Variants in MAP4K4 observed in about 807,000 individuals in gnomAD.
MAP4K4 encodes mitogen-activated protein kinase kinase kinase kinase 4, also known as HPK/GCK-like kinase HGK.
Under a neutral mutation model 189.6 loss-of-function variants are expected in MAP4K4, and 38 were observed. The observed-to-expected ratio is 0.20, with a 90% CI of 0.15 to 0.26. The LOEUF (loss-of-function observed/expected upper bound fraction) is 0.26, where lower values mean the gene tolerates loss of function less well. Ranked by LOEUF, MAP4K4 falls within the 10% of genes least tolerant of loss-of-function variation. MAP4K4 has a pLI of 1.00. For missense variants in MAP4K4, 1,054 were observed against 1,726.9 expected (o/e 0.61, Z 6.91); for synonymous variants, 610 against 624.3 (o/e 0.98, Z 0.34).
At chr2:101,722,324 C>T (rs1267466658) in intron 2 of MAP4K4, among the ~76,000 whole-genome samples, 2 of 152,166 alleles carry the variant, frequency 1.3e-5, no homozygotes, top group Non-Finnish European at 2.9e-5. Context: ...TATCTGTCTA[C>T]TGGAATTGGC....
chr2:101,806,243 T>G (rs1405788056), intron 3 of MAP4K4, among the ~76,000 whole-genome samples: 1 of 152,132 alleles, frequency 6.6e-6, no homozygotes, highest in Non-Finnish European at 1.5e-5. Context: ...AGGGAATCTG[T>G]AGTTAGGTGG....
rs1229405267 is a variant in MAP4K4 at position 101,888,788 on chromosome 2, C to T, written c.3932-8C>T. The T allele has an allele frequency of 1.4e-5, 22 of 1,585,292 alleles. No homozygotes were observed. The highest frequency in any genetic ancestry group is 1.9e-5 in the Non-Finnish European group (22 of 1,167,922). ...TTTAACGGTTTGCAATTTTTCCCTC[C>T]CCAAAAGCATATATTCGATCCAATC... On this transcript the variant is annotated splice_region_variant and splice_polypyrimidine_tract_variant and intron_variant, in intron 31 of 32. Transcript: ENST00000324219.
chr2:101,715,055 A>T (rs554046622), intron 2 of MAP4K4, among the ~76,000 whole-genome samples: 1 of 152,218 alleles, frequency 6.6e-6, no homozygotes, highest in Non-Finnish European at 1.5e-5. Context: ...AAAAGGTCAC[A>T]GGCTGGGGGC....
intron 2 of MAP4K4, among the ~76,000 whole-genome samples, chr2:101,774,994 G>GT (rs1226653532): frequency 7.3e-6 from 1 of 136,192 alleles, no homozygotes; most frequent in Non-Finnish European, 1.6e-5. Flanking sequence ...CCCCCATTTT[G>GT]TTTATCAATC....
chr2:101,782,793 G>T (rs1233465839), intron 2 of MAP4K4, among the ~76,000 whole-genome samples: 11 of 152,170 alleles, frequency 7.2e-5, no homozygotes, highest in Admixed American at 6.5e-4. Context: ...TCTTATCTTA[G>T]ATGGCTCCTG....
intron 29 of MAP4K4, 56 bp from the exon 30 acceptor site, chr2:101,887,024 CAAAAAAAA>C: frequency 2.4e-6 from 2 of 844,320 alleles, no homozygotes; most frequent in Non-Finnish European, 3.2e-6. Context: ...GACTCCGTCT[CAAAAAAAA>C]AAAAAAAAAA....
At chr2:101,763,167 A>G (rs900638368) in intron 2 of MAP4K4, among the ~76,000 whole-genome samples, 1 of 152,208 alleles carries the variant, frequency 6.6e-6, no homozygotes, top group Non-Finnish European at 1.5e-5. Context: ...ACAGTCTTCC[A>G]GGAAAGAATC....
rs34644795 is a variant in MAP4K4, at chr2:101,870,280, AT to A, written c.2640-9del. ...AGAGATTAAGGCCTTTCACGTCTGGATTTTTTCTCCATAGGTCATCTCTGAA... is the reference window on the plus strand; with the variant it reads ...AGAGATTAAGGCCTTTCACGTCTGGATTTTTCTCCATAGGTCATCTCTGAA... On this transcript the variant is annotated splice_polypyrimidine_tract_variant and intron_variant, in intron 22 of 32. Transcript: ENST00000324219. 6.2e-7 allele frequency: 1 copy of A among 1,611,158 alleles called. No homozygotes were observed. Among genetic ancestry groups the A allele is most frequent in the South Asian group, 1.1e-5 (1 of 90,420 alleles).
At chr2:101,741,240 T>C (rs2062665603) in intron 2 of MAP4K4, among the ~76,000 whole-genome samples, 1 of 149,414 alleles carries the variant, frequency 6.7e-6, no homozygotes, top group African/African-American at 2.5e-5. Flanking sequence ...TGATCTTGGC[T>C]CACTGCAAGC....
chr2:101,843,427 G>C (rs2096981047), intron 11 of MAP4K4, among the ~76,000 whole-genome samples: 1 of 152,150 alleles, frequency 6.6e-6, no homozygotes, highest in East Asian at 1.9e-4. Flanking sequence ...TTTAGACTAA[G>C]AATTTCAGAG....
intron 2 of MAP4K4, among the ~76,000 whole-genome samples, chr2:101,704,878 A>G (rs932343236): frequency 6.6e-6 from 1 of 152,094 alleles, no homozygotes; most frequent in African/African-American, 2.4e-5. Flanking sequence ...ACCAGTGACC[A>G]TTGTGGCAGC....
At chr2:101,859,205 G>A (rs1559217619) in intron 14 of MAP4K4, 123 bp downstream of exon 14, 1 of 715,796 alleles carries the variant, frequency 1.4e-6, no homozygotes, top group African/African-American at 1.8e-5. Context: ...GGCTGAAATA[G>A]TGATGCCCAT....
chr2:101,875,039 T>A (rs1045777211), intron 26 of MAP4K4, among the ~76,000 whole-genome samples: 4 of 152,152 alleles, frequency 2.6e-5, no homozygotes, highest in African/African-American at 9.7e-5. Context: ...GACATAGGAG[T>A]TTAAAAAAAT....
intron 2 of MAP4K4, among the ~76,000 whole-genome samples, chr2:101,758,494 G>A (rs1229926276): frequency 2.0e-5 from 3 of 152,114 alleles, no homozygotes; most frequent in Admixed American, 1.3e-4. Flanking sequence ...ATAAGGAGGA[G>A]CAGTTTTTCC....
At chr2:101,787,424 C>A (rs572250886) in intron 2 of MAP4K4, among the ~76,000 whole-genome samples, 1 of 152,286 alleles carries the variant, frequency 6.6e-6, no homozygotes, top group East Asian at 1.9e-4. Flanking sequence ...TCTTTAAATA[C>A]CCTTCAGGTG....
chr2:101,797,422 C>A, intron 3 of MAP4K4: 1 of 1,286,756 alleles, frequency 7.8e-7, no homozygotes, highest in African/African-American at 1.5e-5. Flanking sequence ...AGTCTGTATC[C>A]CCCTCCTGCA....
At chr2:101,707,615 C>G (rs554007669) in intron 2 of MAP4K4, among the ~76,000 whole-genome samples, 3 of 152,072 alleles carry the variant, frequency 2.0e-5, no homozygotes, top group African/African-American at 7.2e-5. Context: ...TGGGCTCAAG[C>G]AAACTTCCCA....
chr2:101,864,147 A>G, intron 17 of MAP4K4, 96 bp downstream of exon 17: 1 of 575,926 alleles, frequency 1.7e-6, no homozygotes, highest in Non-Finnish European at 2.6e-6. Context: ...CAACTTGACC[A>G]AATTTAAAGG....
At chr2:101,872,751 C>T (rs2098084222) in intron 24 of MAP4K4, among the ~76,000 whole-genome samples, 1 of 152,046 alleles carries the variant, frequency 6.6e-6, no homozygotes, top group Non-Finnish European at 1.5e-5. Flanking sequence ...ACATGGTGAC[C>T]CTCAGGTGTC....
Sources: allele counts gnomAD v4.1 joint callset (sites outside exome capture counted in the v4.1 genomes callset), GRCh38; gene constraint gnomAD v4.1.1; transcripts MANE v1.5; gene names NCBI Gene and HGNC (gene_info 2026-07-23, HGNC 2026-07-21).